The following PTP4A1 variants were observed in gnomAD, a reference collection of about 807,000 sequenced individuals.
PTP4A1 encodes the protein protein tyrosine phosphatase type IVA 1.
Under a neutral mutation model 20.5 loss-of-function variants are expected in PTP4A1, and 9 were observed. That is an observed-to-expected ratio of 0.44 (90% CI 0.26 to 0.77). The LOEUF (loss-of-function observed/expected upper bound fraction) is 0.77, where lower values mean the gene tolerates loss of function less well. Ranked by LOEUF, PTP4A1 falls within the 30% of genes least tolerant of loss-of-function variation. The pLI is 0.19. For missense variants in PTP4A1, 137 were observed against 218.8 expected (o/e 0.63, Z 2.36); for synonymous variants, 78 against 67.4 (o/e 1.16, Z -0.77).
intron 1 of PTP4A1, among the ~76,000 whole-genome samples, chr6:63,574,899 AT>A (rs1159968049): frequency 6.6e-6 from 1 of 152,178 alleles, no homozygotes; most frequent in Non-Finnish European, 1.5e-5. Flanking sequence ...TAGACACTTA[AT>A]TTTTTAACCC....
At chr6:63,561,394 G>T (rs764797722) in intron 3 of PTP4A1, among the ~76,000 whole-genome samples, 1 of 152,116 alleles carries the variant, frequency 6.6e-6, no homozygotes, top group Non-Finnish European at 1.5e-5. Flanking sequence ...CTATAATAAG[G>T]TATATTTCTA....
At chr6:63,573,402 C>T (rs1777615478) in intron 1 of PTP4A1, 1 of 152,242 alleles carries the variant, frequency 6.6e-6, no homozygotes. Context: ...TGCAGCTACA[C>T]TCTTGTGCTC....
chr6:63,567,774 G>A (rs527521333), upstream of PTP4A1, among the ~76,000 whole-genome samples: 1 of 152,300 alleles, frequency 6.6e-6, no homozygotes, highest in East Asian at 1.9e-4. Context: ...GTATAAGACT[G>A]TTTTGTCTAC....
At chr6:63,573,941 C>T (rs56823218) in intron 1 of PTP4A1, among the ~76,000 whole-genome samples, 7,213 of 152,178 alleles carry the variant, frequency 0.047, 411 homozygotes, top group African/African-American at 0.14. Flanking sequence ...TATGTTGTTG[C>T]CTCCTGTTGG....
At chr6:63,549,612 G>A (rs1776348083) in intron 2 of PTP4A1, 1 of 522,126 alleles carries the variant, frequency 1.9e-6, no homozygotes, top group Non-Finnish European at 3.4e-6. Flanking sequence ...ATACACAATG[G>A]AATACTAATT....
At chr6:63,541,907 G>T (rs1260428485) in intron 2 of PTP4A1, among the ~76,000 whole-genome samples, 2 of 151,732 alleles carry the variant, frequency 1.3e-5, no homozygotes, top group Non-Finnish European at 2.9e-5. Context: ...ACCATTTCCT[G>T]GTGTCTCCCA....
chr6:63,571,307 T>G (rs970487255), upstream of PTP4A1: 1 of 152,180 alleles, frequency 6.6e-6, no homozygotes, highest in East Asian at 1.9e-4. Context: ...CCTAAAGCCC[T>G]CTCCAATCTC....
chr6:63,576,221 G>A (rs936628366), intron 1 of PTP4A1, among the ~76,000 whole-genome samples: 2 of 151,678 alleles, frequency 1.3e-5, no homozygotes, highest in African/African-American at 4.8e-5. Flanking sequence ...ATAGATCATG[G>A]ATTTCAGTTT....
chr6:63,521,394 C>T (rs1386169535), upstream of PTP4A1, among the ~76,000 whole-genome samples: 1 of 152,152 alleles, frequency 6.6e-6, no homozygotes, highest in Non-Finnish European at 1.5e-5. Flanking sequence ...TCTCCCCAAT[C>T]TAATTATTTC....
intron 2 of PTP4A1, among the ~76,000 whole-genome samples, chr6:63,544,983 C>A (rs182833116): frequency 1.4e-3 from 216 of 152,222 alleles, no homozygotes; most frequent in African/African-American, 4.9e-3. Context: ...CTAGTTTTAT[C>A]ATCCACTGAT....
intron 1 of PTP4A1, among the ~76,000 whole-genome samples, chr6:63,522,869 T>G (rs1475054748): frequency 6.7e-6 from 1 of 150,112 alleles, no homozygotes; most frequent in Non-Finnish European, 1.5e-5. Context: ...TCACTTTTTT[T>G]TTTTTTTTTT....
chr6:63,555,691 TC>T (rs890902440), intron 3 of PTP4A1, among the ~76,000 whole-genome samples: 2 of 146,110 alleles, frequency 1.4e-5, no homozygotes, highest in Admixed American at 6.8e-5. Flanking sequence ...TCAATTACAC[TC>T]TTTTTTTTTT....
chr6:63,526,820 T>TAC (rs1775204004), intron 1 of PTP4A1, among the ~76,000 whole-genome samples: 1 of 142,964 alleles, frequency 7.0e-6, no homozygotes, highest in Admixed American at 7.0e-5. Context: ...TATATATATA[T>TAC]ATATATATAT....
At position 63,576,793 on chromosome 6, in the gene PTP4A1, A is replaced by C. The variant is rs1447389772; in HGVS notation, c.-88A>C. 9.7e-6 allele frequency: 10 copies of C among 1,030,396 alleles called. No homozygotes were observed. The highest frequency in any genetic ancestry group is 1.3e-5 in the Non-Finnish European group (9 of 687,676). The allele number at this position is 1,030,396 out of a possible 1,614,324, so 63.8% of individuals were successfully genotyped here. On this transcript the variant is annotated 5_prime_UTR_variant, in exon 2 of 6. Transcript: ENST00000626021. ...GAGAATTTCAAGTGGAGTATATTGA[A>C]GTAGACTTCAGTTTCTTTGCATCAT...
At chr6:63,540,728 G>T (rs1775926723) in intron 2 of PTP4A1, among the ~76,000 whole-genome samples, 1 of 151,858 alleles carries the variant, frequency 6.6e-6, no homozygotes, top group African/African-American at 2.4e-5. Flanking sequence ...AAAACAGGAT[G>T]CATATTAAAC....
chr6:63,570,818 C>A (rs1441401937), upstream of PTP4A1, among the ~76,000 whole-genome samples: 1 of 152,190 alleles, frequency 6.6e-6, no homozygotes, highest in African/African-American at 2.4e-5. Flanking sequence ...TGAAGTATCA[C>A]CAATATTTCC....
At position 63,580,387 on chromosome 6, in the gene PTP4A1, G is replaced by A. The variant is rs1407529861; in HGVS notation, c.*213G>A. On this transcript the variant is annotated 3_prime_UTR_variant, in exon 6 of 6. Coordinates refer to ENST00000626021, the MANE Select transcript of PTP4A1 (RefSeq NM_003463.5). ...GGATACTTGGCAAAAGATTCTTGCTGTCAGCATATAAAATGTGCTTGTCAT... is the reference window on the plus strand; with the variant it reads ...GGATACTTGGCAAAAGATTCTTGCTATCAGCATATAAAATGTGCTTGTCAT... The A allele has an allele frequency of 2.0e-6, 1 of 488,124 alleles. No homozygotes were observed. Among genetic ancestry groups the A allele is most frequent in the African/African-American group, 1.9e-5 (1 of 51,928 alleles). The allele number at this position is 488,124 out of a possible 1,614,324, so 30.2% of individuals were successfully genotyped here.
At chr6:63,521,925 T>C (rs1242184456) in intron 1 of PTP4A1, 1 of 152,242 alleles carries the variant, frequency 6.6e-6, no homozygotes, top group African/African-American at 2.4e-5. Context: ...TCTAATTCTC[T>C]TATTTTACAA....
At chr6:63,517,417 T>G (rs544635934), upstream of PTP4A1, among the ~76,000 whole-genome samples, 6 of 152,306 alleles carry the variant, frequency 3.9e-5, no homozygotes, top group African/African-American at 1.2e-4. Flanking sequence ...GTTCTTAGTC[T>G]GAAGGACTCT....
Sources: allele counts gnomAD v4.1 joint callset (sites outside exome capture counted in the v4.1 genomes callset), GRCh38; gene constraint gnomAD v4.1.1; transcripts MANE v1.5; gene names NCBI Gene and HGNC (gene_info 2026-07-23, HGNC 2026-07-21).